Variants in NDUFA8 observed in about 807,000 individuals in gnomAD.
NDUFA8 encodes NADH:ubiquinone oxidoreductase subunit A8.
Under a neutral mutation model 20.9 loss-of-function variants are expected in NDUFA8, and 16 were observed. That is an observed-to-expected ratio of 0.77 (90% confidence interval 0.52 to 1.16). The LOEUF (loss-of-function observed/expected upper bound fraction) is 1.16. Ranked by LOEUF, NDUFA8 falls within the 50% of genes most tolerant of loss-of-function variation. NDUFA8 has a pLI of 0.00. For missense variants in NDUFA8, 202 were observed against 216.4 expected, an observed-to-expected ratio of 0.93 and a Z score of 0.42; for synonymous variants, 70 against 76.1, an observed-to-expected ratio of 0.92 and a Z score of 0.41.
In NDUFA8 at chr9:122,144,209, C is replaced by T; in HGVS notation, c.*32G>A. ...GCGTTTTCATCAGTCGTTGTCTGAG[C>T]ACATGACCGAGTGTGGGCCACGGAC... is the stretch of plus-strand genomic sequence containing the variant. On this transcript the variant is annotated 3_prime_UTR_variant, in exon 4 of 4. Coordinates refer to ENST00000373768, the MANE Select transcript of NDUFA8 (RefSeq NM_014222.3). The T allele has an allele frequency of 6.2e-7, 1 of 1,612,908 alleles. No homozygotes were observed. The highest frequency in any genetic ancestry group is 1.1e-5 in the South Asian group (1 of 91,010).
chr9:122,157,346 T>C (rs1364787912), intron 1 of NDUFA8, among the ~76,000 whole-genome samples: 1 of 152,198 alleles, frequency 6.6e-6, no homozygotes, highest in African/African-American at 2.4e-5. Flanking sequence ...TGGGATCACC[T>C]CATCTTACAA....
At chr9:122,156,003 G>C (rs1022042142) in intron 1 of NDUFA8, among the ~76,000 whole-genome samples, 1 of 152,228 alleles carries the variant, frequency 6.6e-6, no homozygotes, top group African/African-American at 2.4e-5. Flanking sequence ...CAGTGAGTCA[G>C]TGGCAACCCC....
chr9:122,138,741 G>A, the NDUFA8 span, among the ~76,000 whole-genome samples: 28 of 142,558 alleles, frequency 2.0e-4, no homozygotes, highest in East Asian at 4.8e-3. Flanking sequence ...CAGGTCATGC[G>A]CAGGGTGCTT....
chr9:122,159,495 A>G (rs759602070), intron 1 of NDUFA8, 132 bp downstream of exon 1: 504 of 1,088,182 alleles, frequency 4.6e-4, no homozygotes, highest in Middle Eastern at 2.4e-3. Context: ...CCGGGGGTCG[A>G]CCTGTATATG....
At chr9:122,145,198 A>C (rs1828889344) in intron 3 of NDUFA8, among the ~76,000 whole-genome samples, 2 of 152,252 alleles carry the variant, frequency 1.3e-5, no homozygotes, top group South Asian at 4.1e-4. Flanking sequence ...AACAGGTGCC[A>C]CTGAAGCACG....
At chr9:122,156,555 CTCAAA>C (rs5900510) in intron 1 of NDUFA8, among the ~76,000 whole-genome samples, 5,167 of 152,222 alleles carry the variant, frequency 0.034, 265 homozygotes, top group African/African-American at 0.12. Flanking sequence ...TTTATTTTTA[CTCAAA>C]ATTATCAAAT....
At chr9:122,139,455 C>G (rs558497642), downstream of NDUFA8, among the ~76,000 whole-genome samples, 6 of 152,274 alleles carry the variant, frequency 3.9e-5, no homozygotes, top group African/African-American at 1.4e-4. Flanking sequence ...ATTGCCTCCA[C>G]CAATGGAATG....
intron 3 of NDUFA8, 135 bp from the exon 4 acceptor site, chr9:122,144,513 C>T: frequency 1.2e-6 from 1 of 837,582 alleles, no homozygotes; most frequent in Non-Finnish European, 2.0e-6. Flanking sequence ...CCCAGCAAAT[C>T]ACATTCAGAC....
the NDUFA8 span, among the ~76,000 whole-genome samples, chr9:122,138,104 T>C: frequency 6.6e-6 from 1 of 152,226 alleles, no homozygotes; most frequent in African/African-American, 2.4e-5. Context: ...CACTGTCATA[T>C]GACATAATAC....
the NDUFA8 span, among the ~76,000 whole-genome samples, chr9:122,133,998 T>C: frequency 1.3e-5 from 2 of 152,212 alleles, no homozygotes; most frequent in African/African-American, 4.8e-5. Flanking sequence ...GCTGTGTTTC[T>C]GCGGGCAGGC....
At position 122,158,026 on chromosome 9, in the gene NDUFA8, G is replaced by A. The variant is rs1322328405; in HGVS notation, c.51+1601C>T. Among the ~76,000 whole-genome samples the A allele has an allele frequency of 2.0e-5, 3 of 149,116 alleles. No homozygotes were observed. In the South Asian group the frequency reaches 6.6e-4, roughly 33 times the overall value. On this transcript the variant is annotated intron_variant, in intron 1 of 3. Transcript: ENST00000373768. The stretch of plus-strand genomic sequence containing the variant: ...ATATTAGCCGGGTGTGGTGATGAGC[G>A]CCTGTAGTCGCAGTTACTCGGGAGG...
At chr9:122,146,135 G>A (rs1828901835) in intron 3 of NDUFA8, among the ~76,000 whole-genome samples, 1 of 152,072 alleles carries the variant, frequency 6.6e-6, no homozygotes, top group South Asian at 2.1e-4. Flanking sequence ...GACAGAGTGA[G>A]ACTCCACTTC....
Position 122,152,310 on chromosome 9 carries a change from C to T in NDUFA8, c.150G>A (p.Glu50=), listed in dbSNP as rs368542869. ...CCTCTAAACACCGCCTCGGATCTTTCTCTTCCCAGCGGCAGAGCATAAACT... is the reference window on the plus strand; with the variant it reads ...CCTCTAAACACCGCCTCGGATCTTTTTCTTCCCAGCGGCAGAGCATAAACT... ...NKEFMLCRWE[E]KDPRRCLEEG... Residue 50 remains glutamate, a synonymous_variant, in exon 2 of 4, where the codon GAG becomes GAA. Transcript: ENST00000373768. The T allele has an allele frequency of 6.2e-7, 1 of 1,614,058 alleles. No homozygotes were observed. Among genetic ancestry groups the T allele is most frequent in the African/African-American group, 1.3e-5 (1 of 74,904 alleles).
chr9:122,138,866 G>GGGC, the NDUFA8 span, among the ~76,000 whole-genome samples: 8 of 19,168 alleles, frequency 4.2e-4, no homozygotes, highest in Admixed American at 3.0e-3. Context: ...AAGAAGAGGT[G>GGGC]GGGGGGGGGC....
the NDUFA8 span, among the ~76,000 whole-genome samples, chr9:122,139,048 C>T: frequency 1.3e-5 from 2 of 152,154 alleles, no homozygotes; most frequent in African/African-American, 4.8e-5. Flanking sequence ...GCAGAGACAC[C>T]TATGGCAGGA....
intron 1 of NDUFA8, among the ~76,000 whole-genome samples, chr9:122,156,184 CGTCTCAAATTCATTCAGATCTCTTT>C (rs1564410935): frequency 2.0e-5 from 3 of 152,166 alleles, no homozygotes; most frequent in Admixed American, 1.3e-4. Context: ...CCATGAATAC[CGTCTCAAATTCATTCAGATCTCTTT>C]GTCTCAAACA....
intron 2 of NDUFA8, among the ~76,000 whole-genome samples, chr9:122,148,714 A>C (rs947423036): frequency 2.0e-5 from 3 of 152,158 alleles, no homozygotes; most frequent in Non-Finnish European, 2.9e-5. Flanking sequence ...GAATTATAAA[A>C]AGCAAATACA....
the NDUFA8 span, among the ~76,000 whole-genome samples, chr9:122,136,664 C>T: frequency 6.6e-6 from 1 of 151,986 alleles, no homozygotes; most frequent in African/African-American, 2.4e-5. Context: ...TCAAGTGATT[C>T]TCCTGCCTTA....
Position 122,144,275 on chromosome 9 carries a change from G to A in NDUFA8, c.485C>T (p.Thr162Ile). ...CCAGAAATAAAAGCGGCTGCCATGT[G>A]TGGCAGGCTGCAGATCTCCCTCGAT... ...PEIEGDLQPA[T>I]HGSRFYFWTK Residue 162 changes from threonine to isoleucine, a missense_variant, in exon 4 of 4, where the codon ACA becomes ATA. Thr to Ile is a moderately conservative substitution (Grantham distance 89). Coordinates refer to ENST00000373768, the MANE Select transcript of NDUFA8 (RefSeq NM_014222.3). 2.5e-6 allele frequency: 4 copies of A among 1,614,084 alleles called. No homozygotes were observed. The highest frequency in any genetic ancestry group is 2.2e-5 in the East Asian group (1 of 44,870).
Sources: allele counts gnomAD v4.1 joint callset (sites outside exome capture counted in the v4.1 genomes callset), GRCh38; gene constraint gnomAD v4.1.1; transcripts MANE v1.5; gene names NCBI Gene and HGNC (gene_info 2026-07-23, HGNC 2026-07-21).